The following ZNF7 variants were observed in gnomAD, a reference collection of about 807,000 sequenced individuals.
ZNF7 encodes zinc finger protein 7, also known as C2-H2 type zinc finger protein.
ZNF7 carries 10 observed loss-of-function variants against 12.0 expected under a neutral mutation model. The ratio of observed to expected loss-of-function variants is 0.83; its 90% CI spans 0.51 to 1.42. ZNF7 has a LOEUF of 1.42. Among genes scored for constraint, ZNF7 ranks in the 40% most tolerant of loss-of-function variants. The pLI, the probability that ZNF7 is intolerant of heterozygous loss-of-function variation, is 0.00. For synonymous variants in ZNF7, 334 were observed against 295.0 expected (o/e 1.13, Z -1.35); for missense variants, 854 against 837.2 (o/e 1.02, Z -0.25).
At chr8:144,838,165 A>G (rs1292682277) in intron 4 of ZNF7, 2 of 702,476 alleles carry the variant, frequency 2.8e-6, no homozygotes, top group Non-Finnish European at 5.2e-6. Context: ...CCTCACTCTG[A>G]TCTCCGACTC....
chr8:144,829,166 G>A, intron 2 of ZNF7, 76 bp downstream of exon 2: 7 of 1,605,746 alleles, frequency 4.4e-6, no homozygotes, highest in Non-Finnish European at 6.0e-6. Context: ...CTGGCCCTGG[G>A]CCCAGACCCT....
intron 3 of ZNF7, among the ~76,000 whole-genome samples, chr8:144,830,767 C>T (rs1735159): frequency 0.48 from 71,553 of 150,420 alleles, 18,250 homozygotes; most frequent in African/African-American, 0.67. Flanking sequence ...GGAGTCTTGC[C>T]CTGTCACCCA....
chr8:144,844,273 AC>A (rs1012082326), downstream of ZNF7, among the ~76,000 whole-genome samples: 1 of 151,040 alleles, frequency 6.6e-6, no homozygotes, highest in African/African-American at 2.4e-5. Context: ...GCAAGTACCA[AC>A]CCCCCCATCC....
At position 144,843,216 on chromosome 8, in the gene ZNF7, AACTT is replaced by A. The variant is rs763144658; in HGVS notation, c.*54_*57del. On this transcript the variant is annotated 3_prime_UTR_variant, in exon 5 of 5. Transcript: ENST00000532777. ...TATATGTGAATAAACCTATAGCCTT[AACTT>A]ACTTATTTTATATGGAATCGTTTAT... 859 of 1,501,602 alleles carry A rather than the reference AACTT, an allele frequency of 5.7e-4. 3 individuals are homozygous for A. The African/African-American group carries it at 5.7e-3, about 10-fold the overall frequency. 93.0% of individuals were successfully genotyped at this position (1,501,602 alleles called of 1,614,324 possible).
chr8:144,845,308 G>A (rs1206849078), downstream of ZNF7, among the ~76,000 whole-genome samples: 3 of 152,120 alleles, frequency 2.0e-5, no homozygotes. Flanking sequence ...CCCAGCAGGT[G>A]CAGGCACAGC....
At chr8:144,829,710 G>A in intron 3 of ZNF7, 106 bp downstream of exon 3, 1 of 1,427,952 alleles carries the variant, frequency 7.0e-7, no homozygotes, top group Non-Finnish European at 9.3e-7. Context: ...TCAGACCCTT[G>A]TGGGCTCCAC....
chr8:144,844,151 C>CA (rs1203610393), downstream of ZNF7, among the ~76,000 whole-genome samples: 3 of 152,196 alleles, frequency 2.0e-5, no homozygotes, highest in African/African-American at 7.2e-5. Context: ...CCCTGAAACT[C>CA]AGAGCCTTAT....
downstream of ZNF7, among the ~76,000 whole-genome samples, chr8:144,844,625 T>C (rs1443345242): frequency 2.1e-5 from 3 of 145,530 alleles, no homozygotes; most frequent in South Asian, 2.1e-4. Context: ...AGGAAAATGG[T>C]GTGAACCTGG....
At chr8:144,840,472 G>A (rs758651776) in intron 4 of ZNF7, among the ~76,000 whole-genome samples, 1 of 152,204 alleles carries the variant, frequency 6.6e-6, no homozygotes, top group Admixed American at 6.5e-5. Context: ...GGTTGTGAAC[G>A]TGATTGTGTC....
chr8:144,842,795 G>C lies in ZNF7; in HGVS notation c.1688G>C (p.Ser563Thr), dbSNP rs1287967360. 4 of 1,614,108 alleles carry C rather than the reference G, an allele frequency of 2.5e-6. No homozygotes were observed. The highest frequency in any genetic ancestry group is 2.2e-5 in the South Asian group (2 of 91,092). ...YKCNECGKAF[S>T]QNSTLFQHQI... ...TGTAATGAATGTGGGAAAGCCTTCAGTCAAAACTCAACCCTTTTCCAACAC... is the reference window on the plus strand; with the variant it reads ...TGTAATGAATGTGGGAAAGCCTTCACTCAAAACTCAACCCTTTTCCAACAC... The change falls in exon 5 of 5, where the codon AGT (serine) becomes ACT (threonine). Residue 563 changes from serine (S) to threonine (T), a missense_variant. By Grantham distance (58) the Ser-to-Thr change is moderately conservative. Coordinates refer to ENST00000532777, the MANE Select transcript of ZNF7 (RefSeq NM_003416.4).
downstream of ZNF7, chr8:144,845,936 C>T: frequency 6.6e-7 from 1 of 1,526,226 alleles, no homozygotes; most frequent in Non-Finnish European, 8.8e-7. Flanking sequence ...TGGTCACCTT[C>T]AGGTCTAGCA....
chr8:144,845,855 G>A, downstream of ZNF7: 1 of 882,048 alleles, frequency 1.1e-6, no homozygotes, highest in Non-Finnish European at 1.7e-6. Flanking sequence ...CGTGGAGTAT[G>A]TGTGCAGTGT....
intron 3 of ZNF7, among the ~76,000 whole-genome samples, chr8:144,832,824 A>G (rs1254400847): frequency 6.6e-6 from 1 of 152,188 alleles, no homozygotes; most frequent in East Asian, 1.9e-4. Context: ...TCCCAGCTCC[A>G]CATTTGTATT....
intron 3 of ZNF7, chr8:144,835,274 G>C (rs1046399755): frequency 6.6e-6 from 1 of 151,144 alleles, no homozygotes; most frequent in African/African-American, 2.4e-5. Context: ...TGCGATTATA[G>C]CTCACTGCAG....
rs899770197 is a variant in ZNF7 at position 144,843,462 on chromosome 8, C to T, written c.*294C>T. ...ATTTAGCTGGGCGTGGTGGCAGGCA[C>T]CTGTGGTCCCAGCTGCTCGGGAGGC... On this transcript the variant is annotated 3_prime_UTR_variant, in exon 5 of 5. Transcript: ENST00000532777. The T allele has an allele frequency of 4.7e-6, 1 of 214,540 alleles. No individual in the cohort carries two copies. Among genetic ancestry groups the T allele is most frequent in the Non-Finnish European group, 9.2e-6 (1 of 108,400 alleles). 13.3% of individuals were successfully genotyped at this position (214,540 alleles called of 1,614,324 possible).
In ZNF7 at chr8:144,837,505, C is replaced by T; in HGVS notation, c.245C>T (p.Thr82Ile). 6.2e-7 allele frequency: 1 copy of T among 1,606,640 alleles called. No homozygotes were observed. Among genetic ancestry groups the T allele is most frequent in the Non-Finnish European group, 8.5e-7 (1 of 1,174,270 alleles). The change falls in exon 4 of 5, where the codon ACA (threonine) becomes ATA (isoleucine). Residue 82 changes from threonine to isoleucine, a missense_variant and splice_region_variant. Physicochemically the swap from Thr to Ile is moderately conservative, Grantham distance 89 (BLOSUM62 -1). Coordinates refer to ENST00000532777, the MANE Select transcript of ZNF7 (RefSeq NM_003416.4). ...ACAGAGGCACCAAGGACCTCCAAGA[C>T]AGGTGAGGCTTAGATCCCATCGCAG... ...EGTEAPRTSK[T>I]DSTIRTENEQ...
intron 3 of ZNF7, chr8:144,831,105 T>A: frequency 2.2e-6 from 1 of 449,702 alleles, no homozygotes; most frequent in Non-Finnish European, 4.5e-6. Context: ...AGCAGCTCCA[T>A]CTGCTGTGCC....
In ZNF7 at chr8:144,842,117, G is replaced by A. The variant is rs141409063; in HGVS notation, c.1010G>A (p.Arg337His). 9.4e-4 allele frequency: 1,511 copies of A among 1,613,856 alleles called. 20 individuals carry two copies. Among genetic ancestry groups the A allele is most frequent in the Admixed American group, 1.2e-3 (70 of 60,006 alleles). Residue 337 changes from arginine (R) to histidine (H), a missense_variant, in exon 5 of 5, where the codon CGT (arginine) becomes CAT (histidine). Arg to His is a conservative substitution (Grantham distance 29). Coordinates refer to ENST00000532777, the MANE Select transcript of ZNF7 (RefSeq NM_003416.4). ...ACAGGAGAGAGGCCCTATGGTTGTC[G>A]TGAGTGTGGGAAAGCCTTCAGCCAG... ...IHTGERPYGCRECGKAFSQQS... is the reference protein window; with the variant it reads ...IHTGERPYGCHECGKAFSQQS...
intron 3 of ZNF7, among the ~76,000 whole-genome samples, chr8:144,833,511 G>A (rs1449464929): frequency 6.6e-6 from 1 of 151,590 alleles, no homozygotes; most frequent in Admixed American, 6.6e-5. Context: ...TGGGATTACA[G>A]CTACTCAGGC....
Sources: gnomAD v4.1 joint callset for allele counts (sites outside exome capture counted in the v4.1 genomes callset) on GRCh38, gnomAD v4.1.1 for gene constraint, MANE v1.5 for transcripts, NCBI Gene and HGNC (gene_info 2026-07-23, HGNC 2026-07-21) for gene names.